The following ZNF423 variants were observed in gnomAD, a reference collection of about 807,000 sequenced individuals.
ZNF423 encodes Ebf-associated zinc finger protein.
A neutral mutation model predicts 95.8 loss-of-function variants in ZNF423; 12 were observed. The observed-to-expected ratio is 0.13, with a 90% CI of 0.08 to 0.20. ZNF423 has a LOEUF of 0.20. Among genes scored for constraint, ZNF423 ranks in the 10% least tolerant of loss-of-function variants. The pLI, the probability that ZNF423 is intolerant of heterozygous loss-of-function variation, is 1.00. For synonymous variants in ZNF423, 749 were observed against 711.9 expected (o/e 1.05, Z -0.83); for missense variants, 1,316 against 1,737.1 (o/e 0.76, Z 4.31).
At chr16:49,494,295 G>A (rs1967076428) in intron 7 of ZNF423, among the ~76,000 whole-genome samples, 1 of 152,206 alleles carries the variant, frequency 6.6e-6, no homozygotes, top group South Asian at 2.1e-4. Context: ...GAGACAGAAG[G>A]ATAAAACTTC....
intron 5 of ZNF423, among the ~76,000 whole-genome samples, chr16:49,592,356 C>T (rs1422124428): frequency 6.6e-6 from 1 of 152,006 alleles, no homozygotes; most frequent in Non-Finnish European, 1.5e-5. Context: ...TTTTTAAAAA[C>T]AGGAGGGGCA....
At chr16:49,775,340 T>C (rs1367982920) in intron 2 of ZNF423, among the ~76,000 whole-genome samples, 4 of 152,202 alleles carry the variant, frequency 2.6e-5, no homozygotes, top group African/African-American at 7.2e-5. Flanking sequence ...TATTTCTCTT[T>C]GGGCCTTGGC....
At chr16:49,737,176 A>G (rs1033542979) in intron 2 of ZNF423, among the ~76,000 whole-genome samples, 5 of 146,486 alleles carry the variant, frequency 3.4e-5, no homozygotes, top group East Asian at 2.0e-4. Context: ...GTCAATGAGG[A>G]AAAAAAAAAA....
At chr16:49,501,326 G>A (rs558512824) in intron 7 of ZNF423, among the ~76,000 whole-genome samples, 22 of 152,198 alleles carry the variant, frequency 1.4e-4, no homozygotes, top group African/African-American at 2.4e-4. Context: ...TGCCACATGC[G>A]AATATAGGCC....
chr16:49,526,197 A>G (rs1329704873), intron 5 of ZNF423, among the ~76,000 whole-genome samples: 1 of 152,208 alleles, frequency 6.6e-6, no homozygotes, highest in African/African-American at 2.4e-5. Flanking sequence ...AAGCCCTGTC[A>G]GCCCCTGGAG....
intron 3 of ZNF423, among the ~76,000 whole-genome samples, chr16:49,652,800 A>C (rs1973460457): frequency 6.6e-6 from 1 of 152,192 alleles, no homozygotes; most frequent in Non-Finnish European, 1.5e-5. Context: ...ATTACATGTA[A>C]AGTGTACCAA....
At chr16:49,836,745 C>T (rs933187172) in intron 1 of ZNF423, among the ~76,000 whole-genome samples, 13 of 152,156 alleles carry the variant, frequency 8.5e-5, no homozygotes, top group Non-Finnish European at 4.4e-5. Context: ...CCCTTATCCC[C>T]TCCTGATGCT....
At chr16:49,529,060 C>T (rs192891221) in intron 5 of ZNF423, among the ~76,000 whole-genome samples, 37 of 151,994 alleles carry the variant, frequency 2.4e-4, no homozygotes, top group Non-Finnish European at 4.4e-4. Context: ...GCAGGCCCCT[C>T]CACCCCAGCG....
intron 4 of ZNF423, among the ~76,000 whole-genome samples, chr16:49,631,922 G>A (rs529683592): frequency 3.3e-5 from 5 of 152,282 alleles, no homozygotes; most frequent in African/African-American, 9.6e-5. Context: ...ACTGGAATTC[G>A]ATGCCCACTG....
intron 3 of ZNF423, among the ~76,000 whole-genome samples, chr16:49,708,688 G>A (rs888204837): frequency 1.3e-5 from 2 of 152,114 alleles, no homozygotes; most frequent in South Asian, 2.1e-4. Flanking sequence ...CGTGCTACCC[G>A]CACAGCCTTT....
chr16:49,854,936 C>A, intron 1 of ZNF423: 1 of 984,916 alleles, frequency 1.0e-6, no homozygotes, highest in East Asian at 1.1e-4. Context: ...GGGGTCAGAT[C>A]CAGGGTGCCG....
intron 2 of ZNF423, among the ~76,000 whole-genome samples, chr16:49,746,687 G>A (rs1467640038): frequency 2.0e-5 from 3 of 152,106 alleles, no homozygotes; most frequent in Non-Finnish European, 4.4e-5. Flanking sequence ...GGCCAGGCAG[G>A]TCTGGAACTC....
Position 49,855,395 on chromosome 16 carries a change from G to A in ZNF423, c.40+340C>T, listed in dbSNP as rs2035351158. On this transcript the variant is annotated intron_variant, in intron 1 of 7. Coordinates refer to ENST00000563137, the MANE Select transcript of ZNF423 (RefSeq NM_001379286.1). This position sits in a 1 kb window ranked among gnomAD's most constrained non-coding sequence, Gnocchi z 4.7. ...CAGCACCCCTTGATTGGCCACACGG[G>A]CCCGGGCCCCGCACGGAGGGAGCGG... is the stretch of plus-strand genomic sequence containing the variant. 6.6e-6 allele frequency among the ~76,000 whole-genome samples: 1 copy of A among 150,742 alleles called. No homozygotes were observed. The highest frequency in any genetic ancestry group is 1.5e-5 in the Non-Finnish European group (1 of 67,530).
intron 3 of ZNF423, among the ~76,000 whole-genome samples, chr16:49,720,382 A>G (rs2032830497): frequency 6.6e-6 from 1 of 152,180 alleles, no homozygotes; most frequent in African/African-American, 2.4e-5. Flanking sequence ...GGTGCCCTGC[A>G]GGCTGCACTA....
chr16:49,793,057 C>T (rs886681959), intron 1 of ZNF423, among the ~76,000 whole-genome samples: 4 of 152,134 alleles, frequency 2.6e-5, no homozygotes, highest in African/African-American at 9.7e-5. Context: ...CATGAGCCAC[C>T]ACGCCTGGTT....
chr16:49,731,227 C>T (rs992001069), intron 2 of ZNF423: 2 of 739,716 alleles, frequency 2.7e-6, no homozygotes, highest in Admixed American at 1.3e-4. Context: ...TGCACGGATG[C>T]TGGGGGCCGT....
chr16:49,700,028 T>G (rs1055829273), intron 3 of ZNF423, among the ~76,000 whole-genome samples: 2 of 149,674 alleles, frequency 1.3e-5, no homozygotes, highest in African/African-American at 2.5e-5. Context: ...AGAAGCAGGG[T>G]TTCAAGGCCA....
intron 3 of ZNF423, among the ~76,000 whole-genome samples, chr16:49,700,215 A>C (rs56681160): frequency 3.7e-5 from 5 of 136,114 alleles, no homozygotes; most frequent in African/African-American, 8.7e-5. Flanking sequence ...AAAAAAAAAA[A>C]AACAAGAAGA....
At chr16:49,576,526 T>C (rs1237902804) in intron 5 of ZNF423, among the ~76,000 whole-genome samples, 1 of 152,238 alleles carries the variant, frequency 6.6e-6, no homozygotes, top group Non-Finnish European at 1.5e-5. Context: ...GCAGGCACTC[T>C]TTCACAGACT....
Sources: gnomAD v4.1 joint callset for allele counts (sites outside exome capture counted in the v4.1 genomes callset) on GRCh38, gnomAD v4.1.1 for gene constraint, Gnocchi (gnomAD v3.1) non-coding constraint, MANE v1.5 for transcripts, NCBI Gene and HGNC (gene_info 2026-07-23, HGNC 2026-07-21) for gene names.